IL26: variants seen among roughly 807,000 people sequenced by gnomAD.
The protein encoded by IL26 is interleukin-26.
A neutral mutation model predicts 21.7 loss-of-function variants in IL26; 23 were observed. That is an observed-to-expected ratio of 1.06 (90% CI 0.76 to 1.50). The LOEUF is 1.50. IL26 is among the 40% of genes most tolerant of loss of function. The probability of loss-of-function intolerance (pLI) is 0.00; values close to 1 mark genes in which losing one functional copy is unlikely to be tolerated. For missense variants in IL26, 204 were observed against 196.0 expected, an observed-to-expected ratio of 1.04 and a Z score of -0.24; for synonymous variants, 63 against 67.8, an observed-to-expected ratio of 0.93 and a Z score of 0.34.
intron 3 of IL26, among the ~76,000 whole-genome samples, chr12:68,220,365 C>T (rs1869011813): frequency 6.6e-6 from 1 of 152,066 alleles, no homozygotes; most frequent in Non-Finnish European, 1.5e-5. Context: ...AAGTAGAGTG[C>T]ATCCCAGAAA....
At chr12:68,213,678 G>A (rs914073662) in intron 3 of IL26, among the ~76,000 whole-genome samples, 2 of 151,806 alleles carry the variant, frequency 1.3e-5, no homozygotes, top group Non-Finnish European at 2.9e-5. Context: ...GTAATATTCT[G>A]TAATTCTGTA....
chr12:68,224,788 TTAGAA>T (rs1035774261), intron 3 of IL26, among the ~76,000 whole-genome samples: 1 of 81,890 alleles, frequency 1.2e-5, no homozygotes, highest in African/African-American at 3.0e-5. Flanking sequence ...AAAGAGAGAC[TTAGAA>T]TAGTGTTTGG....
intron 3 of IL26, among the ~76,000 whole-genome samples, chr12:68,216,608 A>G (rs1868891735): frequency 6.6e-6 from 1 of 152,218 alleles, no homozygotes; most frequent in Non-Finnish European, 1.5e-5. Context: ...CTCTTGCTTT[A>G]TCAGTTCAAC....
chr12:68,208,893 T>C (rs989380027), intron 3 of IL26, among the ~76,000 whole-genome samples: 1 of 152,182 alleles, frequency 6.6e-6, no homozygotes, highest in African/African-American at 2.4e-5. Flanking sequence ...AAATACTAAA[T>C]AATAAACATT....
intron 3 of IL26, among the ~76,000 whole-genome samples, chr12:68,209,529 C>T (rs978165565): frequency 6.6e-6 from 1 of 152,130 alleles, no homozygotes; most frequent in Non-Finnish European, 1.5e-5. Flanking sequence ...GGTTTTATGC[C>T]CTGAGCCCTG....
intron 3 of IL26, among the ~76,000 whole-genome samples, chr12:68,222,199 C>T (rs1869072546): frequency 1.3e-5 from 2 of 152,174 alleles, no homozygotes; most frequent in African/African-American, 2.4e-5. Context: ...GTAATCCTTA[C>T]TATTACCTTT....
chr12:68,204,074 T>G (rs1251662278), intron 3 of IL26, among the ~76,000 whole-genome samples: 1 of 152,136 alleles, frequency 6.6e-6, no homozygotes, highest in African/African-American at 2.4e-5. Flanking sequence ...ATCCTAATAT[T>G]TAATGCATAG....
At chr12:68,208,702 T>C (rs911583455) in intron 3 of IL26, among the ~76,000 whole-genome samples, 2 of 152,068 alleles carry the variant, frequency 1.3e-5, no homozygotes, top group African/African-American at 4.8e-5. Flanking sequence ...GGTTTCACCA[T>C]GTTGGCCAGG....
chr12:68,208,146 A>G (rs1314525325), intron 3 of IL26, among the ~76,000 whole-genome samples: 2 of 152,336 alleles, frequency 1.3e-5, no homozygotes, highest in Admixed American at 6.5e-5. Flanking sequence ...ACAATTCTAT[A>G]TGACAAATAC....
chr12:68,216,235 G>T (rs952088101), intron 3 of IL26, among the ~76,000 whole-genome samples: 15 of 151,952 alleles, frequency 9.9e-5, no homozygotes, highest in African/African-American at 3.6e-4. Context: ...AGGTTGCAGT[G>T]AGCCAAGATT....
intron 3 of IL26, among the ~76,000 whole-genome samples, chr12:68,209,272 G>A (rs1012158356): frequency 6.6e-6 from 1 of 152,212 alleles, no homozygotes; most frequent in African/African-American, 2.4e-5. Context: ...ACACGAGTAC[G>A]GAGGCTGCAA....
Position 68,201,850 on chromosome 12 carries a change from G to T in IL26, c.511C>A (p.Gln171Lys). The change falls in exon 5 of 5, where the codon CAG becomes AAG. Residue 171 changes from glutamine (Q) to lysine (K), a missense_variant. Physicochemically the swap from Gln to Lys is moderately conservative, Grantham distance 53 (BLOSUM62 1). Transcript: ENST00000229134. ...SWIKKLLESS[Q>K] ...TCAATGTACTTGGCTTTGGTTTACT[G>T]ACTGCTTTCCAATAATTTTTTAATC... The T allele has an allele frequency of 6.3e-7, 1 of 1,586,254 alleles. No homozygotes were observed. Among genetic ancestry groups the T allele is most frequent in the South Asian group, 1.2e-5 (1 of 85,536 alleles).
intron 3 of IL26, among the ~76,000 whole-genome samples, chr12:68,206,443 C>A (rs1565736347): frequency 6.6e-6 from 1 of 151,978 alleles, no homozygotes; most frequent in Non-Finnish European, 1.5e-5. Context: ...TGCCCAATAT[C>A]AAAAAAACGT....
intron 3 of IL26, among the ~76,000 whole-genome samples, chr12:68,206,678 A>C (rs754631462): frequency 6.6e-6 from 1 of 152,260 alleles, no homozygotes; most frequent in Non-Finnish European, 1.5e-5. Context: ...AAAACATTAA[A>C]GTTAGCCTAT....
At chr12:68,219,916 A>G (rs370031579) in intron 3 of IL26, among the ~76,000 whole-genome samples, 3 of 152,072 alleles carry the variant, frequency 2.0e-5, no homozygotes, top group East Asian at 3.8e-4. Flanking sequence ...TTAAAAGCAT[A>G]TTAAGGAAAT....
Position 68,225,196 on chromosome 12 carries a change from G to T in IL26, c.316C>A (p.Arg106Ser), listed in dbSNP as rs373868127. Residue 106 changes from arginine (R) to serine (S), a missense_variant, in exon 3 of 5, where the codon CGC (arginine) becomes AGC (serine). Transcript: ENST00000229134. ...QLQLQGCKKIRFVEDFHSLRQ... is the reference protein window; with the variant it reads ...QLQLQGCKKISFVEDFHSLRQ... ...AGGCTATGAAAGTCCTCCACAAAGC[G>T]TATTTTCTTGCAGCCTTGCAATTGC... The T allele has an allele frequency of 1.9e-6, 3 of 1,613,936 alleles. No homozygotes were observed. The Admixed American group carries it at 5.0e-5, about 27-fold the overall frequency.
At chr12:68,213,001 C>G (rs1868776861) in intron 3 of IL26, among the ~76,000 whole-genome samples, 1 of 152,040 alleles carries the variant, frequency 6.6e-6, no homozygotes, top group African/African-American at 2.4e-5. Context: ...AATTTTTCCC[C>G]ATTCAGTGTG....
chr12:68,216,650 G>A, intron 3 of IL26, among the ~76,000 whole-genome samples: 1 of 152,148 alleles, frequency 6.6e-6, no homozygotes, highest in Non-Finnish European at 1.5e-5. Flanking sequence ...TAAATTACAG[G>A]GATGAATGAA....
intron 3 of IL26, among the ~76,000 whole-genome samples, chr12:68,217,374 G>A (rs965593485): frequency 5.9e-5 from 9 of 152,178 alleles, no homozygotes; most frequent in Admixed American, 1.3e-4. Context: ...ATAATTTCAT[G>A]AGTTAATAAT....
Sources: gnomAD v4.1 joint callset for allele counts (sites outside exome capture counted in the v4.1 genomes callset) on GRCh38, gnomAD v4.1.1 for gene constraint, MANE v1.5 for transcripts, NCBI Gene and HGNC (gene_info 2026-07-23, HGNC 2026-07-21) for gene names.